The following PDE10A variants were observed in gnomAD, a reference collection of about 807,000 sequenced individuals.
The protein encoded by PDE10A is cAMP and cAMP-inhibited cGMP 3',5'-cyclic phosphodiesterase 10A.
In PDE10A, 39 loss-of-function variants were observed where a neutral mutation model predicts 97.7. The ratio of observed to expected loss-of-function variants is 0.40; its 90% CI spans 0.31 to 0.52. The LOEUF (loss-of-function observed/expected upper bound fraction) is 0.52, where lower values mean the gene tolerates loss of function less well. Among genes scored for constraint, PDE10A ranks in the 20% least tolerant of loss-of-function variants. The probability of loss-of-function intolerance (pLI) is 0.56; values close to 1 mark genes in which losing one functional copy is unlikely to be tolerated. For missense variants in PDE10A, 731 were observed against 1,047.8 expected (o/e 0.70, Z 4.17); for synonymous variants, 371 against 376.8 (o/e 0.98, Z 0.18).
chr6:165,759,377 T>C (rs1017231870), intron 1 of PDE10A, among the ~76,000 whole-genome samples: 1 of 152,182 alleles, frequency 6.6e-6, no homozygotes, highest in Non-Finnish European at 1.5e-5. Context: ...GGAGCTCTCA[T>C]CGCTTTGAGG....
intron 2 of PDE10A, among the ~76,000 whole-genome samples, chr6:165,530,453 C>A (rs1347906345): frequency 6.6e-6 from 1 of 151,660 alleles, no homozygotes; most frequent in Non-Finnish European, 1.5e-5. Context: ...AAACAAATAA[C>A]CACATTAAAA....
intron 1 of PDE10A, among the ~76,000 whole-genome samples, chr6:165,649,652 T>A (rs943000013): frequency 6.6e-6 from 1 of 152,144 alleles, no homozygotes; most frequent in Admixed American, 6.5e-5. Context: ...CTGCCCCTGC[T>A]GTCCAGTCAA....
chr6:165,411,447 C>G (rs1050026076), intron 13 of PDE10A, among the ~76,000 whole-genome samples: 7 of 152,052 alleles, frequency 4.6e-5, no homozygotes, highest in Non-Finnish European at 8.8e-5. Flanking sequence ...CAGCAGAAAC[C>G]ATGTGAGGAC....
intron 1 of PDE10A, among the ~76,000 whole-genome samples, chr6:165,748,930 A>G (rs1792904179): frequency 6.6e-6 from 1 of 152,126 alleles, no homozygotes; most frequent in African/African-American, 2.4e-5. Flanking sequence ...TTTCTAATGT[A>G]TGCCACTGCC....
intron 1 of PDE10A, among the ~76,000 whole-genome samples, chr6:165,745,728 A>G (rs1261429521): frequency 6.6e-6 from 1 of 152,236 alleles, no homozygotes; most frequent in African/African-American, 2.4e-5. Context: ...GTCTTATGAC[A>G]TGCAATCCTC....
chr6:165,979,801 T>C (rs1376139995), intron 1 of PDE10A, among the ~76,000 whole-genome samples: 1 of 152,202 alleles, frequency 6.6e-6, no homozygotes, highest in African/African-American at 2.4e-5. Context: ...GTCACGACAC[T>C]CAGAGTTACC....
chr6:165,343,267 T>C (rs1782086741), intron 19 of PDE10A, 124 bp downstream of exon 19: 1 of 699,762 alleles, frequency 1.4e-6, no homozygotes, highest in Non-Finnish European at 2.6e-6. Flanking sequence ...AATCCTTCAG[T>C]ATGTGACTCA....
intron 1 of PDE10A, among the ~76,000 whole-genome samples, chr6:165,985,743 G>A (rs1490165122): frequency 6.6e-6 from 1 of 152,166 alleles, no homozygotes; most frequent in Non-Finnish European, 1.5e-5. Context: ...TCCCCAGTAC[G>A]GTGTGTCCAC....
intron 1 of PDE10A, among the ~76,000 whole-genome samples, chr6:165,578,123 C>T (rs1785413995): frequency 6.6e-6 from 1 of 152,172 alleles, no homozygotes; most frequent in Non-Finnish European, 1.5e-5. Flanking sequence ...ATACAGGGGT[C>T]CCAATTGTGG....
intron 17 of PDE10A, among the ~76,000 whole-genome samples, chr6:165,380,061 T>C (rs1784838914): frequency 6.6e-6 from 1 of 152,224 alleles, no homozygotes; most frequent in Non-Finnish European, 1.5e-5. Flanking sequence ...TGGATTCTAT[T>C]GGCTCAGAAT....
chr6:165,831,148 G>C (rs544210826), intron 1 of PDE10A, among the ~76,000 whole-genome samples: 1 of 152,084 alleles, frequency 6.6e-6, no homozygotes, highest in Non-Finnish European at 1.5e-5. Flanking sequence ...ACTTTGGGAG[G>C]CTGAGGTGGG....
intron 1 of PDE10A, among the ~76,000 whole-genome samples, chr6:165,750,420 GC>G (rs1242607464): frequency 6.6e-6 from 1 of 152,144 alleles, no homozygotes; most frequent in Non-Finnish European, 1.5e-5. Context: ...TGGGTACCTG[GC>G]CCCCTGGCTG....
Position 165,379,206 on chromosome 6 carries a change from T to C in PDE10A, c.2771A>G (p.Asn924Ser). ...MYQTGSLNLN[N>S]QSHRDRVIGL... Reference sequence around the variant, plus strand: ...AAATTATTTTTACCTATGTGATTGATTATTAAGGTTTAGTGATCCGGTCTG... The same window carrying C: ...AAATTATTTTTACCTATGTGATTGACTATTAAGGTTTAGTGATCCGGTCTG... The change falls in exon 18 of 22, where the codon AAT becomes AGT. Residue 924 changes from asparagine (N) to serine (S), a missense_variant. Physicochemically the swap from Asn to Ser is conservative, Grantham distance 46. Coordinates refer to ENST00000539869, the MANE Select transcript of PDE10A (RefSeq NM_001385079.1). 2 of 1,604,910 alleles carry C rather than the reference T, an allele frequency of 1.2e-6. No individual in the cohort carries two copies. The highest frequency in any genetic ancestry group is 8.5e-7 in the Non-Finnish European group (1 of 1,176,488).
chr6:165,907,874 T>A (rs1338694399), intron 1 of PDE10A, among the ~76,000 whole-genome samples: 1 of 152,156 alleles, frequency 6.6e-6, no homozygotes, highest in East Asian at 1.9e-4. Flanking sequence ...AGAGAGAAAA[T>A]TGTAGTCAGC....
At chr6:165,356,853 A>AT (rs1783059379) in intron 18 of PDE10A, among the ~76,000 whole-genome samples, 1 of 152,170 alleles carries the variant, frequency 6.6e-6, no homozygotes, top group Admixed American at 6.6e-5. Flanking sequence ...ATGGCATGTA[A>AT]TTTAAAAATA....
In PDE10A at chr6:165,683,280, A is replaced by G. The variant is rs75036644; in HGVS notation, c.-614-139712T>C. Among the ~76,000 whole-genome samples, 506 of 152,276 alleles carry G rather than the reference A, an allele frequency of 3.3e-3. 4 individuals carry two copies. Among genetic ancestry groups the G allele is most frequent in the African/African-American group, 0.012 (478 of 41,542 alleles). ...AAAAGAACACTATTCAGAATATACC[A>G]AAGGCCTTCGGGTGGGCATCAGAGA... is the stretch of plus-strand genomic sequence containing the variant. On this transcript the variant is annotated intron_variant, in intron 1 of 19. Coordinates refer to the PDE10A transcript ENST00000366882.
intron 1 of PDE10A, among the ~76,000 whole-genome samples, chr6:165,767,627 C>T (rs996372571): frequency 6.6e-6 from 1 of 152,164 alleles, no homozygotes; most frequent in African/African-American, 2.4e-5. Context: ...AATTGCATTC[C>T]TTTTTATGTT....
chr6:165,494,440 T>G (rs1780406269), intron 2 of PDE10A, among the ~76,000 whole-genome samples: 2 of 134,294 alleles, frequency 1.5e-5, no homozygotes, highest in Non-Finnish European at 3.1e-5. Context: ...AATGAATGAG[T>G]GGATAAAGAA....
intron 1 of PDE10A, among the ~76,000 whole-genome samples, chr6:165,573,308 C>T (rs1016714233): frequency 1.9e-4 from 28 of 149,010 alleles, no homozygotes; most frequent in Admixed American, 7.4e-4. Context: ...GTAGAGAGTG[C>T]GTTTGGCCTA....
Sources: gnomAD v4.1 joint callset for allele counts (sites outside exome capture counted in the v4.1 genomes callset) on GRCh38, gnomAD v4.1.1 for gene constraint, MANE v1.5 for transcripts, NCBI Gene and HGNC (gene_info 2026-07-23, HGNC 2026-07-21) for gene names.